Variants in PRKN observed in about 807,000 individuals in gnomAD.
PRKN encodes the protein E3 ubiquitin-protein ligase parkin.
PRKN carries 56 observed loss-of-function variants against 59.5 expected under a neutral mutation model. That is an observed-to-expected ratio of 0.94 (90% confidence interval 0.76 to 1.18). PRKN has a LOEUF of 1.18. PRKN is among the 50% of genes most tolerant of loss of function. The pLI is 0.00. For synonymous variants in PRKN, 250 were observed against 222.1 expected (o/e 1.13, Z -1.12); for missense variants, 657 against 596.4 (o/e 1.10, Z -1.06).
At chr6:162,639,684 T>TG (rs11383668) in intron 1 of PRKN, among the ~76,000 whole-genome samples, 122,923 of 152,010 alleles carry the variant, frequency 0.81, 49,906 homozygotes, top group East Asian at 0.95. Context: ...CAGTAGTTGC[T>TG]CCATTTTTGT....
intron 1 of PRKN, among the ~76,000 whole-genome samples, chr6:162,703,666 G>C (rs1237777103): frequency 6.6e-6 from 1 of 152,198 alleles, no homozygotes; most frequent in Non-Finnish European, 1.5e-5. Context: ...CCATTTTGTA[G>C]ATGAGGAAGG....
chr6:162,364,781 T>A (rs900397807), intron 2 of PRKN, among the ~76,000 whole-genome samples: 13 of 152,080 alleles, frequency 8.5e-5, no homozygotes, highest in Non-Finnish European at 1.5e-4. Context: ...AGGCTTACAT[T>A]TCCAGAATGA....
rs564799139 is a variant in PRKN at position 162,187,140 on chromosome 6, T to G, written c.534+13991A>C. Reference sequence around the variant, plus strand: ...GAGCTGCACTGAAACCACTTTAGTTTCTACCCAAGATGTCCTGGAAGACCA... The same window carrying G: ...GAGCTGCACTGAAACCACTTTAGTTGCTACCCAAGATGTCCTGGAAGACCA... On this transcript the variant is annotated intron_variant, in intron 4 of 11. Coordinates refer to ENST00000366898, the MANE Select transcript of PRKN (RefSeq NM_004562.3). Among the ~76,000 whole-genome samples, 33 of 152,284 alleles carry G rather than the reference T, an allele frequency of 2.2e-4. No individual in the cohort carries two copies. In the South Asian group the frequency reaches 5.4e-3, roughly 25 times the overall value.
chr6:161,637,480 C>A (rs1165103111), intron 7 of PRKN, among the ~76,000 whole-genome samples: 1 of 151,822 alleles, frequency 6.6e-6, no homozygotes, highest in East Asian at 1.9e-4. Context: ...AATTTAATGT[C>A]TCTGGCCCTC....
chr6:162,030,327 G>A (rs570638032), intron 5 of PRKN, among the ~76,000 whole-genome samples: 107 of 152,232 alleles, frequency 7.0e-4, no homozygotes, highest in Non-Finnish European at 1.4e-3. Context: ...ATCACTGCTG[G>A]GAATTAGAGG....
intron 1 of PRKN, among the ~76,000 whole-genome samples, chr6:162,526,203 C>G (rs1205847915): frequency 7.7e-6 from 1 of 129,464 alleles, no homozygotes; most frequent in African/African-American, 3.0e-5. Flanking sequence ...CTATCGGAGT[C>G]AAGGTAAAAA....
chr6:161,674,927 C>T (rs1785035511), intron 7 of PRKN, among the ~76,000 whole-genome samples: 1 of 152,208 alleles, frequency 6.6e-6, no homozygotes, highest in African/African-American at 2.4e-5. Flanking sequence ...CCCTTGTGGG[C>T]AAGCCTCTTG....
chr6:162,304,639 G>C lies in PRKN; in HGVS notation c.172-41874C>G, dbSNP rs551817252. ...ATATATGATCCTCTTTTAACGACTT[G>C]GGGAACTTTTCAACATTTTGTTACT... On this transcript the variant is annotated intron_variant, in intron 2 of 11. Coordinates refer to ENST00000366898, the MANE Select transcript of PRKN (RefSeq NM_004562.3). Among the ~76,000 whole-genome samples, 8 of 150,488 alleles carry C rather than the reference G, an allele frequency of 5.3e-5. No homozygotes were observed. The South Asian group carries it at 8.3e-4, about 16-fold the overall frequency.
At chr6:162,338,760 A>C (rs1239686087) in intron 2 of PRKN, among the ~76,000 whole-genome samples, 1 of 146,386 alleles carries the variant, frequency 6.8e-6, no homozygotes, top group African/African-American at 2.6e-5. Flanking sequence ...CCAGTCTGGA[A>C]AGTGAGGAGC....
In PRKN at chr6:161,566,949, C is replaced by T. The variant is rs1052242927; in HGVS notation, c.933+2406G>A. Among the ~76,000 whole-genome samples the T allele has an allele frequency of 6.6e-6, 1 of 151,922 alleles. No homozygotes were observed. Among genetic ancestry groups the T allele is most frequent in the African/African-American group, 2.4e-5 (1 of 41,338 alleles). On this transcript the variant is annotated intron_variant, in intron 8 of 11. Transcript: ENST00000366898. This position sits in a 1 kb window ranked among gnomAD's most constrained non-coding sequence, Gnocchi z 4.1. ...TACCTTTCAGTCTTTATTCACCTGT[C>T]ACCTGCTCAGTGAAACTTTCCCTGA...
intron 3 of PRKN, among the ~76,000 whole-genome samples, chr6:162,222,998 T>TCCCTCCC (rs1471372874): frequency 8.0e-6 from 1 of 124,306 alleles, no homozygotes; most frequent in African/African-American, 3.0e-5. Flanking sequence ...CCTAATGCTA[T>TCCCTCCC]CCCTCCCCCC....
intron 7 of PRKN, among the ~76,000 whole-genome samples, chr6:161,745,881 A>C (rs1038978124): frequency 9.2e-5 from 14 of 152,334 alleles, no homozygotes; most frequent in African/African-American, 3.4e-4. Context: ...AATATGATGA[A>C]GCTAAGAACA....
rs182477365 is a variant in PRKN at position 162,267,981 on chromosome 6, C to T, written c.172-5216G>A. ...TAATAAAGAGTTACAAATATCATCT[C>T]TAAAATGATTAATAATGAGATTCTA... is the stretch of plus-strand genomic sequence containing the variant. On this transcript the variant is annotated intron_variant, in intron 2 of 11. Coordinates refer to ENST00000366898, the MANE Select transcript of PRKN (RefSeq NM_004562.3). Among the ~76,000 whole-genome samples the T allele has an allele frequency of 3.1e-3, 478 of 152,202 alleles. 4 individuals carry two copies. Among genetic ancestry groups the T allele is most frequent in the African/African-American group, 0.011 (457 of 41,516 alleles).
At chr6:162,657,813 A>G (rs1176799873) in intron 1 of PRKN, among the ~76,000 whole-genome samples, 1 of 152,158 alleles carries the variant, frequency 6.6e-6, no homozygotes, top group Admixed American at 6.5e-5. Flanking sequence ...TAGTAGGGAC[A>G]TGAGGGTTCC....
chr6:161,908,728 G>A (rs1330004980), intron 6 of PRKN, among the ~76,000 whole-genome samples: 1 of 150,740 alleles, frequency 6.6e-6, no homozygotes, highest in Non-Finnish European at 1.5e-5. Flanking sequence ...CAAAATTAAA[G>A]GTACAACCCT....
chr6:161,717,838 C>T (rs1787049564), intron 7 of PRKN, among the ~76,000 whole-genome samples: 1 of 152,126 alleles, frequency 6.6e-6, no homozygotes, highest in South Asian at 2.1e-4. Flanking sequence ...TTGGCCCAGG[C>T]CCGCTTCCAT....
chr6:162,617,766 T>TC (rs1428496113), intron 1 of PRKN, among the ~76,000 whole-genome samples: 1 of 151,940 alleles, frequency 6.6e-6, no homozygotes. Flanking sequence ...TAATTTTTTT[T>TC]TGTTATGGTC....
intron 1 of PRKN, among the ~76,000 whole-genome samples, chr6:162,456,165 A>G (rs1417329743): frequency 6.6e-6 from 1 of 151,476 alleles, no homozygotes; most frequent in Non-Finnish European, 1.5e-5. Flanking sequence ...CTATTCCAAT[A>G]AACTTATTAG....
intron 7 of PRKN, among the ~76,000 whole-genome samples, chr6:161,741,459 A>G (rs1788180701): frequency 6.6e-6 from 1 of 152,164 alleles, no homozygotes; most frequent in African/African-American, 2.4e-5. Flanking sequence ...TCCGAGGATC[A>G]AAGTATCTTG....
Sources: allele counts gnomAD v4.1 joint callset (sites outside exome capture counted in the v4.1 genomes callset), GRCh38; gene constraint gnomAD v4.1.1; non-coding constraint Gnocchi (gnomAD v3.1); transcripts MANE v1.5; gene names NCBI Gene and HGNC (gene_info 2026-07-23, HGNC 2026-07-21).